SLC25A48: variants seen among roughly 807,000 people sequenced by gnomAD.
SLC25A48 encodes CTC-321K16.1.
SLC25A48 carries 29 observed loss-of-function variants against 32.2 expected under a neutral mutation model. The observed-to-expected ratio is 0.90, with a 90% CI of 0.67 to 1.23. The LOEUF (loss-of-function observed/expected upper bound fraction) is 1.23, where lower values mean the gene tolerates loss of function less well. SLC25A48 is among the 50% of genes most tolerant of loss of function. The pLI is 0.00. For missense variants in SLC25A48, 399 were observed against 422.7 expected, an observed-to-expected ratio of 0.94 and a Z score of 0.49; for synonymous variants, 164 against 172.3, an observed-to-expected ratio of 0.95 and a Z score of 0.38.
intron 1 of SLC25A48, among the ~76,000 whole-genome samples, chr5:135,596,907 G>T (rs1751667564): frequency 6.6e-6 from 1 of 152,142 alleles, no homozygotes; most frequent in Non-Finnish European, 1.5e-5. Context: ...CTTGGCAGAG[G>T]GCTGAAACCC....
chr5:135,628,854 G>A lies in SLC25A48; in HGVS notation c.-848-383G>A, dbSNP rs555264816. On this transcript the variant is annotated intron_variant, in intron 1 of 10. Coordinates refer to the SLC25A48 transcript ENST00000646290. ...ATTACCAAGATGGAGGGCGGGATTC[G>A]AAATACATCATGGATTTAATAATGG... 1.1e-4 allele frequency among the ~76,000 whole-genome samples: 16 copies of A among 152,272 alleles called. No homozygotes were observed. In the South Asian group the frequency reaches 2.1e-3, roughly 20 times the overall value.
Position 135,620,216 on chromosome 5 carries a change from G to C in SLC25A48, c.-848-9021G>C, listed in dbSNP as rs2126898120. ...CCCACTATGTTGGTGGCAGTAGGTT[G>C]ATTGGACCTGACTTCAGACCCCAGG... is the stretch of plus-strand genomic sequence containing the variant. On this transcript the variant is annotated intron_variant, in intron 1 of 10. Transcript: ENST00000646290. Among the ~76,000 whole-genome samples the C allele has an allele frequency of 3.9e-5, 6 of 152,318 alleles. No individual in the cohort carries two copies. The South Asian group carries it at 1.2e-3, about 32-fold the overall frequency.
At chr5:135,838,590 C>T (rs139406971) in intron 1 of SLC25A48, among the ~76,000 whole-genome samples, 2 of 152,326 alleles carry the variant, frequency 1.3e-5, no homozygotes, top group African/African-American at 2.4e-5. Context: ...GGGCTGGGCC[C>T]AGGGACCTCT....
intron 3 of SLC25A48, among the ~76,000 whole-genome samples, chr5:135,678,818 A>T (rs1464190587): frequency 6.6e-6 from 1 of 152,072 alleles, no homozygotes; most frequent in Non-Finnish European, 1.5e-5. Flanking sequence ...CATGTCTGTG[A>T]TTTCCTCAGT....
intron 3 of SLC25A48, among the ~76,000 whole-genome samples, chr5:135,661,803 A>G (rs1432136698): frequency 6.6e-6 from 1 of 152,260 alleles, no homozygotes; most frequent in African/African-American, 2.4e-5. Context: ...TTTTGACCGT[A>G]TTAACCTGGG....
At chr5:135,873,932 A>G in intron 5 of SLC25A48, 89 bp from the exon 6 acceptor site, 2 of 1,355,086 alleles carry the variant, frequency 1.5e-6, no homozygotes, top group African/African-American at 1.5e-5. Context: ...CAGCTTAATG[A>G]ATCTCTAAAT....
At chr5:135,854,258 T>G (rs1760133160) in intron 4 of SLC25A48, among the ~76,000 whole-genome samples, 1 of 152,216 alleles carries the variant, frequency 6.6e-6, no homozygotes, top group African/African-American at 2.4e-5. Context: ...GCTGCATTAG[T>G]CCCTAACAAG....
At chr5:135,633,325 C>G (rs889219398) in intron 2 of SLC25A48, among the ~76,000 whole-genome samples, 1 of 151,970 alleles carries the variant, frequency 6.6e-6, no homozygotes, top group African/African-American at 2.4e-5. Context: ...TGTTGAAGCT[C>G]TAATCCCAAA....
chr5:135,684,259 A>C (rs1006798766), intron 3 of SLC25A48, among the ~76,000 whole-genome samples: 2 of 152,154 alleles, frequency 1.3e-5, no homozygotes, highest in African/African-American at 4.8e-5. Flanking sequence ...CACAACTGAC[A>C]GGTATGTCAG....
intron 1 of SLC25A48, among the ~76,000 whole-genome samples, chr5:135,605,177 T>G (rs886486963): frequency 3.9e-5 from 6 of 152,260 alleles, no homozygotes; most frequent in Non-Finnish European, 5.9e-5. Flanking sequence ...TAATTTTTAT[T>G]TATTTATAAC....
intron 3 of SLC25A48, among the ~76,000 whole-genome samples, chr5:135,723,414 A>ACACACACAC (rs70976577): frequency 4.8e-5 from 7 of 145,700 alleles, no homozygotes; most frequent in Admixed American, 1.4e-4. Flanking sequence ...ACACACACAC[A>ACACACACAC]ATGGGGAGGG....
intron 3 of SLC25A48, among the ~76,000 whole-genome samples, chr5:135,669,095 C>T (rs894526659): frequency 6.6e-6 from 1 of 152,210 alleles, no homozygotes; most frequent in Non-Finnish European, 1.5e-5. Context: ...CACACCACAC[C>T]TGTTCTGTGA....
chr5:135,833,781 C>T (rs545410858), upstream of SLC25A48, among the ~76,000 whole-genome samples: 27 of 152,280 alleles, frequency 1.8e-4, no homozygotes, highest in African/African-American at 6.5e-4. Context: ...AGTGGACAGG[C>T]CTTTGTAGGA....
intron 3 of SLC25A48, chr5:135,650,614 C>A: frequency 3.0e-6 from 1 of 338,928 alleles, no homozygotes; most frequent in Non-Finnish European, 5.8e-6. Flanking sequence ...TGTTATTAAG[C>A]ACCTACTGTT....
chr5:135,772,535 G>A lies in SLC25A48; in HGVS notation c.-520-39988G>A, dbSNP rs887720606. 2.0e-5 allele frequency among the ~76,000 whole-genome samples: 3 copies of A among 151,114 alleles called. No individual in the cohort carries two copies. The Admixed American group carries it at 2.0e-4, about 10-fold the overall frequency. On this transcript the variant is annotated intron_variant, in intron 3 of 10. Coordinates refer to the SLC25A48 transcript ENST00000646290. ...ATTGCAGCGAGTGTACGCCCCCTAT[G>A]ATATTGTTTGCAACATCAAGGGGTG...
intron 3 of SLC25A48, among the ~76,000 whole-genome samples, chr5:135,638,829 A>C (rs942775373): frequency 6.6e-6 from 1 of 152,210 alleles, no homozygotes; most frequent in Non-Finnish European, 1.5e-5. Context: ...ACCATGTTTC[A>C]ACTCTATATA....
rs376291102 is a variant in SLC25A48 at position 135,842,190 on chromosome 5, T to C, written c.47-226T>C. ...CCTTTTGCCTGTGAATATCCACTTGTCCCAGTCCCTTTGCCTTCCTTTTAT... is the reference window on the plus strand; with the variant it reads ...CCTTTTGCCTGTGAATATCCACTTGCCCCAGTCCCTTTGCCTTCCTTTTAT... On this transcript the variant is annotated intron_variant, in intron 1 of 7. Coordinates refer to ENST00000681962, the MANE Select transcript of SLC25A48 (RefSeq NM_001349336.2). Among the ~76,000 whole-genome samples the C allele has an allele frequency of 2.0e-5, 3 of 152,322 alleles. No individual in the cohort carries two copies. In the East Asian group the frequency reaches 5.8e-4, roughly 29 times the overall value.
At chr5:135,828,520 G>A (rs1000833806) in intron 4 of SLC25A48, among the ~76,000 whole-genome samples, 1 of 152,242 alleles carries the variant, frequency 6.6e-6, no homozygotes, top group African/African-American at 2.4e-5. Context: ...GTGCTGAGGA[G>A]GATCATAGCC....
exon 1 of SLC25A48, chr5:135,579,315 G>A: frequency 6.3e-6 from 1 of 158,302 alleles, no homozygotes; most frequent in Non-Finnish European, 1.4e-5. Flanking sequence ...GAGCCCAGAC[G>A]GTGGAGAGGC....
Sources: allele counts gnomAD v4.1 joint callset (sites outside exome capture counted in the v4.1 genomes callset), GRCh38; gene constraint gnomAD v4.1.1; transcripts MANE v1.5; gene names NCBI Gene and HGNC (gene_info 2026-07-23, HGNC 2026-07-21).